Variants in SNTG2 observed in about 807,000 individuals in gnomAD.
The protein encoded by SNTG2 is gamma-2-syntrophin.
A neutral mutation model predicts 70.9 loss-of-function variants in SNTG2; 74 were observed. The observed-to-expected ratio is 1.04, with a 90% CI of 0.86 to 1.27. The LOEUF (loss-of-function observed/expected upper bound fraction) is 1.27. Ranked by LOEUF, SNTG2 falls within the 50% of genes most tolerant of loss-of-function variation. The pLI is 0.00. For missense variants in SNTG2, 717 were observed against 690.7 expected, an observed-to-expected ratio of 1.04 and a Z score of -0.43; for synonymous variants, 278 against 273.8, an observed-to-expected ratio of 1.02 and a Z score of -0.15.
At chr2:1,250,988 A>T (rs911013675) in intron 12 of SNTG2, among the ~76,000 whole-genome samples, 1 of 152,244 alleles carries the variant, frequency 6.6e-6, no homozygotes, top group Non-Finnish European at 1.5e-5. Flanking sequence ...ATTTCTGCAG[A>T]AGATGACTTG....
At chr2:1,148,958 T>G (rs68172880) in intron 6 of SNTG2, among the ~76,000 whole-genome samples, 142,448 of 152,068 alleles carry the variant, frequency 0.94, 66,848 homozygotes, top group Non-Finnish European at 0.97. Context: ...AGCTGCTTGA[T>G]GCTTCTGTGC....
intron 1 of SNTG2, among the ~76,000 whole-genome samples, chr2:988,379 AGTT>A (rs1661394430): frequency 6.6e-6 from 1 of 152,238 alleles, no homozygotes; most frequent in Admixed American, 6.5e-5. Flanking sequence ...GTGTCCCTAG[AGTT>A]GTTGTGCCTT....
chr2:972,128 T>C (rs1660764791), intron 1 of SNTG2, among the ~76,000 whole-genome samples: 1 of 152,158 alleles, frequency 6.6e-6, no homozygotes, highest in Admixed American at 6.5e-5. Context: ...TTTGGGGGTA[T>C]AGAGCTCTGT....
At position 1,351,611 on chromosome 2, in the gene SNTG2, G is replaced by A. The variant is rs183658568; in HGVS notation, c.1489-15732G>A. 2.6e-5 allele frequency among the ~76,000 whole-genome samples: 4 copies of A among 152,182 alleles called. No individual in the cohort carries two copies. In the East Asian group the frequency reaches 5.8e-4, roughly 22 times the overall value. On this transcript the variant is annotated intron_variant, in intron 16 of 16. Coordinates refer to ENST00000308624, the MANE Select transcript of SNTG2 (RefSeq NM_018968.4). ...GATTGGAGGCACACGGGATGTGAAC[G>A]GAGTCCTCTGTTGTCATCTACCCAC... is the stretch of plus-strand genomic sequence containing the variant.
At chr2:1,222,099 C>CTCTGTCTCTG (rs1553362264) in intron 9 of SNTG2, among the ~76,000 whole-genome samples, 1 of 14,604 alleles carries the variant, frequency 6.8e-5, no homozygotes, top group African/African-American at 2.7e-4. Context: ...CTCTCTGTCT[C>CTCTGTCTCTG]TCTCTGTCTC....
chr2:1,150,050 A>G lies in SNTG2; in HGVS notation c.411+12241A>G, dbSNP rs115584194. Among the ~76,000 whole-genome samples the G allele has an allele frequency of 9.6e-3, 1,465 of 152,326 alleles. 22 individuals are homozygous for G. Among genetic ancestry groups the G allele is most frequent in the African/African-American group, 0.033 (1,373 of 41,558 alleles). On this transcript the variant is annotated intron_variant, in intron 6 of 16. Coordinates refer to ENST00000308624, the MANE Select transcript of SNTG2 (RefSeq NM_018968.4). ...TTAAAATTGCACTCACAGATGAAATAATGTTCTTTAAATATTTCACAATCA... is the reference window on the plus strand; with the variant it reads ...TTAAAATTGCACTCACAGATGAAATGATGTTCTTTAAATATTTCACAATCA...
intron 1 of SNTG2, among the ~76,000 whole-genome samples, chr2:1,032,570 C>T (rs1271573982): frequency 6.6e-6 from 1 of 152,164 alleles, no homozygotes; most frequent in East Asian, 1.9e-4. Context: ...ATCCTTTATG[C>T]CCAAGATGTC....
At chr2:1,084,793 A>C (rs370724165) in intron 2 of SNTG2, among the ~76,000 whole-genome samples, 1 of 152,196 alleles carries the variant, frequency 6.6e-6, no homozygotes, top group African/African-American at 2.4e-5. Context: ...TGAATGCTGC[A>C]TCCTCCAGAG....
chr2:1,258,520 G>A (rs950801081), intron 12 of SNTG2, among the ~76,000 whole-genome samples: 3 of 145,884 alleles, frequency 2.1e-5, no homozygotes, highest in African/African-American at 8.1e-5. Context: ...AAAATGTCTT[G>A]AAAATTTTGT....
At chr2:1,359,835 T>C (rs907772070) in intron 16 of SNTG2, among the ~76,000 whole-genome samples, 1 of 152,230 alleles carries the variant, frequency 6.6e-6, no homozygotes, top group African/African-American at 2.4e-5. Flanking sequence ...ATCTTTATTT[T>C]ATTTCTTTGC....
chr2:1,076,634 A>G (rs1663934428), intron 1 of SNTG2, among the ~76,000 whole-genome samples: 3 of 152,224 alleles, frequency 2.0e-5, no homozygotes, highest in South Asian at 4.1e-4. Context: ...TCCAACAAAG[A>G]CATACGAGAA....
intron 9 of SNTG2, among the ~76,000 whole-genome samples, chr2:1,211,632 C>A (rs371288653): frequency 6.6e-6 from 1 of 152,092 alleles, no homozygotes; most frequent in Non-Finnish European, 1.5e-5. Flanking sequence ...TCTTACATGG[C>A]GGCAGGGAAG....
chr2:1,314,066 T>C (rs1190246051), intron 15 of SNTG2, among the ~76,000 whole-genome samples: 1 of 152,234 alleles, frequency 6.6e-6, no homozygotes, highest in East Asian at 1.9e-4. Flanking sequence ...TTGCACTTTT[T>C]GTATATAATG....
chr2:1,145,604 C>A (rs1669051012), intron 6 of SNTG2, among the ~76,000 whole-genome samples: 1 of 152,186 alleles, frequency 6.6e-6, no homozygotes, highest in South Asian at 2.1e-4. Flanking sequence ...GACGGGTTCC[C>A]TGGTGAGTTC....
chr2:1,044,073 T>C (rs1450639800), intron 1 of SNTG2, among the ~76,000 whole-genome samples: 4 of 152,156 alleles, frequency 2.6e-5, no homozygotes, highest in Admixed American at 2.6e-4. Context: ...TTGGGTCATC[T>C]CTCATTTCCT....
rs1243365121 is a variant in SNTG2 at position 1,281,319 on chromosome 2, T to G, written c.1284+13748T>G. On this transcript the variant is annotated intron_variant, in intron 14 of 16. Coordinates refer to ENST00000308624, the MANE Select transcript of SNTG2 (RefSeq NM_018968.4). The stretch of plus-strand genomic sequence containing the variant: ...GTATATGGTGTGTGGTGTGTGTGTT[T>G]GTGTGGTGTGTGTGTGTGGTGGTAT... Among the ~76,000 whole-genome samples the G allele has an allele frequency of 1.6e-3, 9 of 5,474 alleles. 2 individuals are homozygous for G. The highest frequency in any genetic ancestry group is 3.5e-3 in the Admixed American group (2 of 568). The allele number at this position is 5,474 out of a possible 152,430, so 3.6% of individuals were successfully genotyped here.
chr2:1,119,566 T>G (rs1439226148), intron 4 of SNTG2, among the ~76,000 whole-genome samples: 1 of 151,332 alleles, frequency 6.6e-6, no homozygotes, highest in African/African-American at 2.4e-5. Context: ...TTTTTTTTTT[T>G]GTATAAAAAA....
chr2:1,144,484 T>A (rs997656320), intron 6 of SNTG2, among the ~76,000 whole-genome samples: 1 of 152,134 alleles, frequency 6.6e-6, no homozygotes, highest in Non-Finnish European at 1.5e-5. Context: ...TTTTAACGAA[T>A]TTAAAGAACA....
chr2:1,331,751 G>A lies in SNTG2; in HGVS notation c.1488+15376G>A, dbSNP rs532270847. Among the ~76,000 whole-genome samples the A allele has an allele frequency of 9.9e-5, 15 of 152,284 alleles. No homozygotes were observed. The South Asian group carries it at 1.4e-3, about 15-fold the overall frequency. On this transcript the variant is annotated intron_variant, in intron 16 of 16. Coordinates refer to ENST00000308624, the MANE Select transcript of SNTG2 (RefSeq NM_018968.4). Reference sequence around the variant, plus strand: ...GCATCTCTCTGGCTGTGAAGTCATCGTTTTCTTATTTTAAGGAGTAAAGGT... The same window carrying A: ...GCATCTCTCTGGCTGTGAAGTCATCATTTTCTTATTTTAAGGAGTAAAGGT...
Sources: gnomAD v4.1 joint callset for allele counts (sites outside exome capture counted in the v4.1 genomes callset) on GRCh38, gnomAD v4.1.1 for gene constraint, MANE v1.5 for transcripts, NCBI Gene and HGNC (gene_info 2026-07-23, HGNC 2026-07-21) for gene names.